The following FLT3 variants were observed in gnomAD, a reference collection of about 807,000 sequenced individuals.
FLT3 encodes the protein receptor-type tyrosine-protein kinase FLT3.
In FLT3, 46 loss-of-function variants were observed where a neutral mutation model predicts 126.6. That is an observed-to-expected ratio of 0.36 (90% CI 0.29 to 0.46). The LOEUF (loss-of-function observed/expected upper bound fraction) is 0.46, where lower values mean the gene tolerates loss of function less well. FLT3 is among the 20% of genes least tolerant of loss of function. The pLI is 1.00. For synonymous variants in FLT3, 404 were observed against 434.4 expected (o/e 0.93, Z 0.87); for missense variants, 1,069 against 1,190.3 (o/e 0.90, Z 1.50).
intron 1 of FLT3, among the ~76,000 whole-genome samples, chr13:28,075,708 G>A (rs1398112741): frequency 6.8e-6 from 1 of 147,250 alleles, no homozygotes; most frequent in Non-Finnish European, 1.5e-5. Flanking sequence ...CTGGGCAACA[G>A]AGTGAGGCTC....
At position 28,034,087 on chromosome 13, in the gene FLT3, T is replaced by A. The variant is rs2137674484; in HGVS notation, c.1832A>T (p.Glu611Val). The A allele has an allele frequency of 1.2e-6, 2 of 1,613,562 alleles. No individual in the cohort carries two copies. Among genetic ancestry groups the A allele is most frequent in the Non-Finnish European group, 1.7e-6 (2 of 1,179,896 alleles). The change falls in exon 14 of 24, where the codon GAG becomes GTG. Residue 611 changes from glutamate (E) to valine (V), a missense_variant. Glu to Val is a moderately radical substitution (Grantham distance 121). Coordinates refer to ENST00000241453, the MANE Select transcript of FLT3 (RefSeq NM_004119.3). ...TTGGCACATTCCATTCTTACCAAAC[T>A]CTAAATTTTCTCTTGGAAACTCCCA... ...LKWEFPRENL[E>V]FGKVLGSGAF...
In FLT3 at chr13:28,056,269, G is replaced by A. The variant is rs557611353; in HGVS notation, c.484+1078C>T. On this transcript the variant is annotated intron_variant, in intron 4 of 23. Transcript: ENST00000241453. ...ATCTACATGCATGCAGGATCGCTGT[G>A]AGCATCTGAGATGAAACAGGCAGAA... Among the ~76,000 whole-genome samples the A allele has an allele frequency of 4.9e-3, 740 of 152,256 alleles. 4 individuals are homozygous for A. The highest frequency in any genetic ancestry group is 0.017 in the African/African-American group (689 of 41,538).
chr13:28,043,804 G>A (rs1325637148), intron 9 of FLT3, among the ~76,000 whole-genome samples: 1 of 151,966 alleles, frequency 6.6e-6, no homozygotes, highest in Admixed American at 6.6e-5. Flanking sequence ...AATATAGCAA[G>A]ACCCTGACTC....
At position 28,003,794 on chromosome 13, in the gene FLT3, C is replaced by A. The variant is rs1363191026; in HGVS notation, c.*258G>T. 4 of 480,400 alleles carry A rather than the reference C, an allele frequency of 8.3e-6. No homozygotes were observed. The highest frequency in any genetic ancestry group is 1.9e-5 in the African/African-American group (1 of 52,476). The allele number at this position is 480,400 out of a possible 1,614,324, so 29.8% of individuals were successfully genotyped here. Reference sequence around the variant, plus strand: ...CAGGTACACAATTCACTCAAGCCAGCCTGAGAAGGCCTTGGATGCAGATCA... The same window carrying A: ...CAGGTACACAATTCACTCAAGCCAGACTGAGAAGGCCTTGGATGCAGATCA... On this transcript the variant is annotated 3_prime_UTR_variant, in exon 24 of 24. Transcript: ENST00000241453.
At chr13:28,012,250 T>A (rs1871453209) in intron 23 of FLT3, among the ~76,000 whole-genome samples, 1 of 152,156 alleles carries the variant, frequency 6.6e-6, no homozygotes, top group African/African-American at 2.4e-5. Flanking sequence ...AGCTGATTAA[T>A]CATGCATGGA....
intron 1 of FLT3, among the ~76,000 whole-genome samples, chr13:28,083,326 T>C (rs1724804233): frequency 6.6e-6 from 1 of 152,248 alleles, no homozygotes; most frequent in South Asian, 2.1e-4. Context: ...TAACCAACCT[T>C]GCATTCCTGG....
chr13:28,085,327 G>A (rs1213641897), intron 1 of FLT3, among the ~76,000 whole-genome samples: 4 of 114,510 alleles, frequency 3.5e-5, no homozygotes, highest in East Asian at 2.6e-4. Context: ...CTGGGCAACA[G>A]AGCCAGACTC....
At chr13:28,056,613 C>T (rs1366154549) in intron 4 of FLT3, among the ~76,000 whole-genome samples, 5 of 152,186 alleles carry the variant, frequency 3.3e-5, no homozygotes, top group African/African-American at 9.6e-5. Context: ...GCAGGTGGTG[C>T]CTCTGCCAAC....
intron 1 of FLT3, among the ~76,000 whole-genome samples, chr13:28,076,725 C>T (rs1362412595): frequency 6.6e-6 from 1 of 152,090 alleles, no homozygotes; most frequent in Non-Finnish European, 1.5e-5. Context: ...CCCAGGAATT[C>T]GAGACCAGCC....
At chr13:28,048,489 A>T (rs752092807) in intron 8 of FLT3, 46 bp from the exon 9 acceptor site, 3 of 1,251,530 alleles carry the variant, frequency 2.4e-6, no homozygotes. Context: ...TAATATTCAT[A>T]GGGAAACGTA....
intron 2 of FLT3, chr13:28,067,945 C>A: frequency 5.6e-6 from 2 of 355,860 alleles, no homozygotes; most frequent in South Asian, 5.8e-5. Context: ...TCATGATTGT[C>A]AAACACATTT....
rs376635375 is a variant in FLT3, at chr13:28,025,759, C to T, written c.2208-816G>A. 4.6e-5 allele frequency among the ~76,000 whole-genome samples: 7 copies of T among 152,160 alleles called. No homozygotes were observed. In the East Asian group the frequency reaches 7.7e-4, roughly 17 times the overall value. On this transcript the variant is annotated intron_variant, in intron 17 of 23. Coordinates refer to ENST00000241453, the MANE Select transcript of FLT3 (RefSeq NM_004119.3). ...GCTTTATAGAGTTCTCATTTCTAGA[C>T]GATGAGCTGGGAAATGAGTGTAAAG...
chr13:28,086,836 G>T (rs1878707404), intron 1 of FLT3, among the ~76,000 whole-genome samples: 1 of 151,956 alleles, frequency 6.6e-6, no homozygotes, highest in Admixed American at 6.6e-5. Flanking sequence ...TAGTACAGAT[G>T]GGGTTCCACC....
intron 1 of FLT3, among the ~76,000 whole-genome samples, chr13:28,080,589 T>C (rs889554761): frequency 6.6e-6 from 1 of 152,184 alleles, no homozygotes; most frequent in African/African-American, 2.4e-5. Flanking sequence ...TTATCACTTA[T>C]GTAATTGGCA....
rs1875113317 is a variant in FLT3, at chr13:28,048,536, A to C, written c.1037-93T>G. On this transcript the variant is annotated intron_variant, in intron 8 of 23. Coordinates refer to ENST00000241453, the MANE Select transcript of FLT3 (RefSeq NM_004119.3). ...AAATAAACTTGTATTCATCAGTTTA[A>C]CACAGGAAAACTCAAGTGTTGGCAT... 2.1e-5 allele frequency: 18 copies of C among 869,490 alleles called. No individual in the cohort carries two copies. The South Asian group carries it at 3.1e-4, about 15-fold the overall frequency. 53.9% of individuals were successfully genotyped at this position (869,490 alleles called of 1,614,324 possible). A position where few individuals can be genotyped will look rare whatever the true frequency, so the allele number is the denominator to read the frequency against.
At chr13:28,022,614 AGAG>A (rs1479810227) in intron 19 of FLT3, among the ~76,000 whole-genome samples, 3 of 152,106 alleles carry the variant, frequency 2.0e-5, no homozygotes, top group Admixed American at 6.6e-5. Context: ...GTGGAGGAGA[AGAG>A]GAGGAGGAGA....
intron 9 of FLT3, among the ~76,000 whole-genome samples, chr13:28,042,188 T>TAATAATAATAATAATAAA (rs1555255326): frequency 3.7e-5 from 5 of 136,700 alleles, no homozygotes; most frequent in East Asian, 2.2e-4. Flanking sequence ...ATAATAATAA[T>TAATAATAATAATAATAAA]AAATAAAAAT....
intron 20 of FLT3, among the ~76,000 whole-genome samples, chr13:28,016,362 C>A (rs1248179948): frequency 6.6e-6 from 1 of 152,010 alleles, no homozygotes; most frequent in Non-Finnish European, 1.5e-5. Context: ...CCTCAGACTC[C>A]CTGGTTTAAG....
chr13:28,085,801 A>G (rs1859044868), intron 1 of FLT3, among the ~76,000 whole-genome samples: 1 of 151,768 alleles, frequency 6.6e-6, no homozygotes, highest in Non-Finnish European at 1.5e-5. Context: ...TTTACTTTTA[A>G]CCTATTTGTG....
Sources: allele counts gnomAD v4.1 joint callset (sites outside exome capture counted in the v4.1 genomes callset), GRCh38; gene constraint gnomAD v4.1.1; transcripts MANE v1.5; gene names NCBI Gene and HGNC (gene_info 2026-07-23, HGNC 2026-07-21).